Variants in ANKS6 observed in about 807,000 individuals in gnomAD.
ANKS6 encodes ankyrin repeat and sterile alpha motif domain containing 6.
In ANKS6, 47 loss-of-function variants were observed where a neutral mutation model predicts 77.9. That is an observed-to-expected ratio of 0.60 (90% confidence interval 0.48 to 0.77). The LOEUF is 0.77. ANKS6 is among the 30% of genes least tolerant of loss of function. The pLI, the probability that ANKS6 is intolerant of heterozygous loss-of-function variation, is 0.00. For missense variants in ANKS6, 1,150 were observed against 1,159.1 expected (o/e 0.99, Z 0.11); for synonymous variants, 488 against 501.7 (o/e 0.97, Z 0.37).
intron 11 of ANKS6, among the ~76,000 whole-genome samples, chr9:98,757,217 T>C (rs1422688885): frequency 6.6e-6 from 1 of 152,216 alleles, no homozygotes; most frequent in Non-Finnish European, 1.5e-5. Context: ...CAAGCTGACA[T>C]TGACACAACA....
Position 98,734,632 on chromosome 9 carries a change from T to C in ANKS6, c.*1887A>G. 1 of 958,536 alleles carries C rather than the reference T, an allele frequency of 1.0e-6. No homozygotes were observed. Among genetic ancestry groups the C allele is most frequent in the South Asian group, 4.8e-5 (1 of 20,694 alleles). 59.4% of individuals were successfully genotyped at this position (958,536 alleles called of 1,614,324 possible). A position where few individuals can be genotyped will look rare whatever the true frequency, so the allele number is the denominator to read the frequency against. ...CACCAGGTCCGGTTCTGACCCCAGA[T>C]CTGCTCCTTCTGGGCTGTTTAACTG... is the stretch of plus-strand genomic sequence containing the variant. On this transcript the variant is annotated 3_prime_UTR_variant, in exon 15 of 15. Transcript: ENST00000353234.
rs755554134 is a variant in ANKS6, at chr9:98,775,922, A to C, written c.1617+1483T>G. 5.0e-4 allele frequency among the ~76,000 whole-genome samples: 76 copies of C among 152,290 alleles called. 1 individual carries two copies. Among genetic ancestry groups the C allele is most frequent in the African/African-American group, 1.2e-3 (49 of 41,572 alleles). On this transcript the variant is annotated intron_variant, in intron 8 of 14. Coordinates refer to ENST00000353234, the MANE Select transcript of ANKS6 (RefSeq NM_173551.5). ...ATTTACACCTGTTGGGGTGGCAGGG[A>C]GCCGTGGGCAGATTGGGTCAGGACC... is the stretch of plus-strand genomic sequence containing the variant.
Position 98,733,644 on chromosome 9 carries a change from C to T in ANKS6, c.*2875G>A. 1.0e-6 allele frequency: 1 copy of T among 985,432 alleles called. No individual in the cohort carries two copies. The highest frequency in any genetic ancestry group is 1.2e-6 in the Non-Finnish European group (1 of 829,948). The allele number at this position is 985,432 out of a possible 1,614,324, so 61.0% of individuals were successfully genotyped here. A position where few individuals can be genotyped will look rare whatever the true frequency, so the allele number is the denominator to read the frequency against. ...AGGAATTCCAGTCTTGCAAAAGCAC[C>T]TTGGAGAAGTGATGAGAGTAATGTG... On this transcript the variant is annotated 3_prime_UTR_variant, in exon 15 of 15. Transcript: ENST00000353234.
At chr9:98,750,903 T>C in intron 13 of ANKS6, 126 bp downstream of exon 13, 1 of 729,142 alleles carries the variant, frequency 1.4e-6, no homozygotes, top group East Asian at 2.7e-5. Flanking sequence ...TAAGCACGAA[T>C]TCTATTTCCT....
At position 98,774,052 on chromosome 9, in the gene ANKS6, A is replaced by T; in HGVS notation, c.1646T>A (p.Leu549His). Residue 549 changes from leucine to histidine, a missense_variant, in exon 9 of 15, where the codon CTC becomes CAC. Physicochemically the swap from Leu to His is moderately conservative, Grantham distance 99 (BLOSUM62 -3). Coordinates refer to ENST00000353234, the MANE Select transcript of ANKS6 (RefSeq NM_173551.5). ...GACTGCTTTCAGCTTGTCACTCGGG[A>T]GTCTGGTGAGGGGAGCTCCGTTTCG... The part of the protein sequence containing the change: ...MLRNGAPLTR[L>H]PSDKLKAVIP... The T allele has an allele frequency of 6.5e-7, 1 of 1,543,060 alleles. No individual in the cohort carries two copies. Among genetic ancestry groups the T allele is most frequent in the South Asian group, 1.2e-5 (1 of 81,622 alleles).
intron 6 of ANKS6, 85 bp downstream of exon 6, chr9:98,780,104 G>C: frequency 6.4e-7 from 1 of 1,570,234 alleles, no homozygotes; most frequent in Non-Finnish European, 8.7e-7. Context: ...GCATAAACCA[G>C]CCTGGGTGCA....
At position 98,770,897 on chromosome 9, in the gene ANKS6, T is replaced by C; in HGVS notation, c.1971A>G (p.Ser657=). The C allele has an allele frequency of 6.7e-7, 1 of 1,498,630 alleles. No individual in the cohort carries two copies. The allele number at this position is 1,498,630 out of a possible 1,614,324, so 92.8% of individuals were successfully genotyped here. Residue 657 remains serine (S), a splice_region_variant and synonymous_variant, in exon 10 of 15, where the codon TCA becomes TCG. Transcript: ENST00000353234. The part of the protein sequence containing the change: ...SRHGGELLNR[S]GGSIDNVLSQ... ...GAGTGGCCCTGCCCAGCTACTCACC[T>C]GAGCGGTTAAGCAGCTCCCCACCGT... is the stretch of plus-strand genomic sequence containing the variant.
intron 14 of ANKS6, among the ~76,000 whole-genome samples, chr9:98,743,958 T>C (rs894913449): frequency 6.6e-6 from 1 of 152,140 alleles, no homozygotes; most frequent in South Asian, 2.1e-4. Flanking sequence ...ACAGCCGAGA[T>C]CTGCCCGCCT....
chr9:98,785,343 G>C (rs1291961402), intron 2 of ANKS6, among the ~76,000 whole-genome samples: 1 of 152,160 alleles, frequency 6.6e-6, no homozygotes, highest in African/African-American at 2.4e-5. Flanking sequence ...CACAGCCACA[G>C]CCAACAGAAG....
chr9:98,742,349 A>G (rs1831884388), intron 14 of ANKS6, among the ~76,000 whole-genome samples: 2 of 152,248 alleles, frequency 1.3e-5, no homozygotes, highest in South Asian at 4.1e-4. Context: ...AGGGCAGTGA[A>G]CCGACTCTTG....
At chr9:98,779,308 G>A (rs887444801) in intron 6 of ANKS6, among the ~76,000 whole-genome samples, 1 of 152,170 alleles carries the variant, frequency 6.6e-6, no homozygotes, top group Non-Finnish European at 1.5e-5. Context: ...CTTGTTTCTG[G>A]TGTTTCCAGG....
chr9:98,778,851 C>T (rs939866365), intron 6 of ANKS6, among the ~76,000 whole-genome samples: 13 of 152,206 alleles, frequency 8.5e-5, no homozygotes, highest in Non-Finnish European at 1.6e-4. Context: ...CTGGTGATAA[C>T]GTGAGAGGCA....
chr9:98,765,471 CTGAGAACA>C (rs1230964934), intron 11 of ANKS6, among the ~76,000 whole-genome samples: 3 of 152,178 alleles, frequency 2.0e-5, no homozygotes, highest in Non-Finnish European at 2.9e-5. Flanking sequence ...AGCCACTGCC[CTGAGAACA>C]TGTCCAAGCT....
At chr9:98,781,397 T>G (rs902133532) in intron 5 of ANKS6, among the ~76,000 whole-genome samples, 1 of 152,104 alleles carries the variant, frequency 6.6e-6, no homozygotes, top group Non-Finnish European at 1.5e-5. Flanking sequence ...AAAGTGTGTA[T>G]GAGATCCAGC....
At chr9:98,780,664 G>C (rs1013968479) in intron 5 of ANKS6, among the ~76,000 whole-genome samples, 1 of 152,216 alleles carries the variant, frequency 6.6e-6, no homozygotes, top group African/African-American at 2.4e-5. Flanking sequence ...CTGTGTAACT[G>C]CAGGTAAATT....
intron 6 of ANKS6, 108 bp from the exon 7 acceptor site, chr9:98,778,532 C>T (rs1834048394): frequency 7.8e-6 from 8 of 1,025,702 alleles, no homozygotes; most frequent in Non-Finnish European, 1.2e-5. Flanking sequence ...TGCCTGCCCT[C>T]CCCTCTCCTG....
intron 1 of ANKS6, among the ~76,000 whole-genome samples, chr9:98,793,570 G>C (rs1176522939): frequency 6.6e-6 from 1 of 152,010 alleles, no homozygotes; most frequent in African/African-American, 2.4e-5. Flanking sequence ...CGCCAGGCTG[G>C]AGTGCAGTGG....
In ANKS6 at chr9:98,753,985, C is replaced by T. The variant is rs1406236347; in HGVS notation, c.2326+2435G>A. 2.0e-5 allele frequency among the ~76,000 whole-genome samples: 3 copies of T among 152,204 alleles called. No homozygotes were observed. In the East Asian group the frequency reaches 5.8e-4, roughly 29 times the overall value. ...AACAGTCGGCTCTGGCACCCCACTG[C>T]CCATCTCTTCCCAGTGTCGTGGTCC... On this transcript the variant is annotated intron_variant, in intron 12 of 14. Coordinates refer to ENST00000353234, the MANE Select transcript of ANKS6 (RefSeq NM_173551.5).
chr9:98,770,713 C>A (rs1833572248), intron 10 of ANKS6, among the ~76,000 whole-genome samples, 183 bp downstream of exon 10: 1 of 152,164 alleles, frequency 6.6e-6, no homozygotes, highest in African/African-American at 2.4e-5. Flanking sequence ...TCTGCATCCC[C>A]AAGAAAATGT....
Sources: gnomAD v4.1 joint callset for allele counts (sites outside exome capture counted in the v4.1 genomes callset) on GRCh38, gnomAD v4.1.1 for gene constraint, MANE v1.5 for transcripts, NCBI Gene and HGNC (gene_info 2026-07-23, HGNC 2026-07-21) for gene names.